Variants in SLC9C1 observed in about 807,000 individuals in gnomAD.
SLC9C1 encodes the protein sodium/hydrogen exchanger 10.
In SLC9C1, 97 loss-of-function variants were observed where a neutral mutation model predicts 140.9. The observed-to-expected ratio is 0.69, with a 90% CI of 0.58 to 0.82. The LOEUF is 0.82. Among genes scored for constraint, SLC9C1 ranks in the 40% least tolerant of loss-of-function variants. The pLI is 0.00. For synonymous variants in SLC9C1, 440 were observed against 442.6 expected, an observed-to-expected ratio of 0.99 and a Z score of 0.07; for missense variants, 1,340 against 1,389.3, an observed-to-expected ratio of 0.96 and a Z score of 0.56.
chr3:112,213,390 C>T (rs1392193917), intron 15 of SLC9C1, among the ~76,000 whole-genome samples: 3 of 152,060 alleles, frequency 2.0e-5, no homozygotes. Context: ...CTAAATGCTC[C>T]AATTAAAAGA....
Position 112,269,898 on chromosome 3 carries a change from C to T in SLC9C1, c.775+18G>A. 2 of 1,470,056 alleles carry T rather than the reference C, an allele frequency of 1.4e-6. No homozygotes were observed. The highest frequency in any genetic ancestry group is 1.8e-6 in the Non-Finnish European group (2 of 1,111,656). 91.1% of individuals were successfully genotyped at this position (1,470,056 alleles called of 1,614,324 possible). ...GTTTTCTATGTGATTTTATTTTAGG[C>T]ATAGGCCCCTCACTTACAAATATAA... On this transcript the variant is annotated intron_variant, in intron 7 of 28. Coordinates refer to ENST00000305815, the MANE Select transcript of SLC9C1 (RefSeq NM_183061.3).
intron 15 of SLC9C1, among the ~76,000 whole-genome samples, chr3:112,211,124 A>G (rs2078190589): frequency 6.6e-6 from 1 of 152,204 alleles, no homozygotes. Context: ...CTATGACTGT[A>G]AATAAGGCCA....
chr3:112,265,229 C>T (rs55869871), intron 8 of SLC9C1, among the ~76,000 whole-genome samples: 1 of 151,936 alleles, frequency 6.6e-6, no homozygotes, highest in East Asian at 1.9e-4. Flanking sequence ...GACATCACAA[C>T]TTATAAGGAA....
chr3:112,281,409 G>A (rs980454012), intron 2 of SLC9C1, among the ~76,000 whole-genome samples: 23 of 152,150 alleles, frequency 1.5e-4, no homozygotes, highest in Admixed American at 1.0e-3. Flanking sequence ...AAGGCTCTCC[G>A]ATGTGGAGAT....
chr3:112,222,053 GA>G (rs10714495), intron 13 of SLC9C1, among the ~76,000 whole-genome samples: 114,783 of 151,964 alleles, frequency 0.76, 43,758 homozygotes, highest in East Asian at 0.99. Flanking sequence ...GATGTGGGAT[GA>G]AAAAACTTTT....
Position 112,204,375 on chromosome 3 carries a change from G to GA in SLC9C1, c.2014dup (p.Ser672PhefsTer23), listed in dbSNP as rs761139813. 3.8e-6 allele frequency: 6 copies of GA among 1,567,814 alleles called. No homozygotes were observed. Among genetic ancestry groups the GA allele is most frequent in the Admixed American group, 4.1e-5 (2 of 49,250 alleles). On this transcript the variant is annotated frameshift_variant, in exon 17 of 29. Transcript: ENST00000305815. LOFTEE classifies it high-confidence loss of function. ...TAACTCGAATATGTTCCAGGCATGT[G>GA]AAAAAAAGTCCTTCCTCATTGCTGC... is the stretch of plus-strand genomic sequence containing the variant.
chr3:112,271,409 A>ATATATATATATATATATATATATC lies in SLC9C1; in HGVS notation c.614-1333_614-1332insGATATATATATATATATATATATA, dbSNP rs1013241776. On this transcript the variant is annotated intron_variant, in intron 6 of 28. Transcript: ENST00000305815. The stretch of plus-strand genomic sequence containing the variant: ...TTCTACATTGTATATATATATATAT[A>ATATATATATATATATATATATATC]TCAAAGCCTCACATTGTACCCCATA... Among the ~76,000 whole-genome samples, 39 of 149,290 alleles carry ATATATATATATATATATATATATC rather than the reference A, an allele frequency of 2.6e-4. 1 individual carries two copies. In the East Asian group the frequency reaches 3.2e-3, roughly 12 times the overall value.
chr3:112,245,521 AAAAACCAATTCACCAT>A (rs576502223), intron 10 of SLC9C1, among the ~76,000 whole-genome samples: 1,978 of 152,124 alleles, frequency 0.013, 26 homozygotes, highest in Non-Finnish European at 0.022. Context: ...AATCTGTGTC[AAAAACCAATTCACCAT>A]ATATGTGAGT....
chr3:112,240,362 G>C (rs1296770302), intron 11 of SLC9C1, among the ~76,000 whole-genome samples: 1 of 152,192 alleles, frequency 6.6e-6, no homozygotes, highest in Non-Finnish European at 1.5e-5. Context: ...AGGTATAATG[G>C]TTAGTTTCAT....
chr3:112,269,330 G>A (rs1342340673), intron 7 of SLC9C1, among the ~76,000 whole-genome samples: 1 of 152,046 alleles, frequency 6.6e-6, no homozygotes, highest in African/African-American at 2.4e-5. Flanking sequence ...GACTGGTCTC[G>A]AAATCCTGGG....
chr3:112,162,001 G>A (rs530372092), intron 26 of SLC9C1, among the ~76,000 whole-genome samples: 1 of 152,220 alleles, frequency 6.6e-6, no homozygotes, highest in South Asian at 2.1e-4. Flanking sequence ...TTGTAAGTTG[G>A]ATTCCTAGGT....
chr3:112,162,549 C>T (rs911548414), intron 26 of SLC9C1, among the ~76,000 whole-genome samples: 13 of 152,048 alleles, frequency 8.5e-5, no homozygotes, highest in Admixed American at 4.6e-4. Context: ...TTGTCTTTGG[C>T]TCTGTTTATA....
intron 19 of SLC9C1, 88 bp from the exon 20 acceptor site, chr3:112,199,557 C>A (rs770008648): frequency 2.0e-4 from 218 of 1,072,096 alleles, no homozygotes; most frequent in Non-Finnish European, 2.6e-4. Context: ...CTGTTCTAAA[C>A]CCATGGAATA....
Position 112,213,807 on chromosome 3 carries a change from A to T in SLC9C1, c.1790+3635T>A, listed in dbSNP as rs553248972. On this transcript the variant is annotated intron_variant, in intron 15 of 28. Coordinates refer to ENST00000305815, the MANE Select transcript of SLC9C1 (RefSeq NM_183061.3). ...AACATTGGACAGAACAACGAGACAG[A>T]AAGTTAACAAGGATATCCAGGAATT... Among the ~76,000 whole-genome samples the T allele has an allele frequency of 2.0e-5, 3 of 152,340 alleles. No individual in the cohort carries two copies. In the South Asian group the frequency reaches 6.2e-4, roughly 32 times the overall value.
chr3:112,258,193 A>G (rs2079665341), intron 10 of SLC9C1, among the ~76,000 whole-genome samples: 1 of 152,180 alleles, frequency 6.6e-6, no homozygotes, highest in Non-Finnish European at 1.5e-5. Flanking sequence ...ATTCCTGTGT[A>G]TATGCCCAAA....
At chr3:112,199,847 G>T (rs985164723) in intron 19 of SLC9C1, among the ~76,000 whole-genome samples, 4 of 152,022 alleles carry the variant, frequency 2.6e-5, no homozygotes, top group African/African-American at 9.7e-5. Flanking sequence ...AGATGATTTT[G>T]TGATTAAATA....
At chr3:112,251,068 C>A (rs1300654085) in intron 10 of SLC9C1, among the ~76,000 whole-genome samples, 1 of 151,964 alleles carries the variant, frequency 6.6e-6, no homozygotes, top group Non-Finnish European at 1.5e-5. Flanking sequence ...ATAAAAAGAA[C>A]AAGATTGGGA....
intron 7 of SLC9C1, among the ~76,000 whole-genome samples, chr3:112,269,057 C>T (rs2079999318): frequency 6.6e-6 from 1 of 152,126 alleles, no homozygotes; most frequent in Non-Finnish European, 1.5e-5. Context: ...ATTTTGATTG[C>T]CTTTTTGATC....
At chr3:112,186,764 A>C (rs528459658) in intron 20 of SLC9C1, among the ~76,000 whole-genome samples, 9 of 152,230 alleles carry the variant, frequency 5.9e-5, no homozygotes, top group Admixed American at 5.9e-4. Flanking sequence ...AAATAAAACA[A>C]TGGAACAGAA....
Sources: allele counts gnomAD v4.1 joint callset (sites outside exome capture counted in the v4.1 genomes callset), GRCh38; gene constraint gnomAD v4.1.1; transcripts MANE v1.5; gene names NCBI Gene and HGNC (gene_info 2026-07-23, HGNC 2026-07-21).